Variants in CADPS2 observed in about 807,000 individuals in gnomAD.
CADPS2 encodes calcium dependent secretion activator 2.
A neutral mutation model predicts 172.5 loss-of-function variants in CADPS2; 93 were observed. The ratio of observed to expected loss-of-function variants is 0.54; its 90% confidence interval spans 0.46 to 0.64. The LOEUF (loss-of-function observed/expected upper bound fraction) is 0.64, where lower values mean the gene tolerates loss of function less well. CADPS2 is among the 30% of genes least tolerant of loss of function. The pLI is 0.00. For synonymous variants in CADPS2, 546 were observed against 555.2 expected, an observed-to-expected ratio of 0.98 and a Z score of 0.23; for missense variants, 1,420 against 1,565.9, an observed-to-expected ratio of 0.91 and a Z score of 1.57.
chr7:122,534,511 A>C (rs2131400118), intron 8 of CADPS2, among the ~76,000 whole-genome samples: 1 of 152,244 alleles, frequency 6.6e-6, no homozygotes, highest in South Asian at 2.1e-4. Context: ...TGAGATATTC[A>C]CCATGCCAAA....
chr7:122,403,824 T>C lies in CADPS2; in HGVS notation c.2746+3716A>G, dbSNP rs28433750. ...GAATGAATATTCCATTGTAGATGAA[T>C]GGAATATCATCAAAAAATATTAATT... On this transcript the variant is annotated intron_variant, in intron 20 of 29. Transcript: ENST00000449022. 5.1e-3 allele frequency among the ~76,000 whole-genome samples: 782 copies of C among 152,254 alleles called. 9 individuals are homozygous for C. The highest frequency in any genetic ancestry group is 0.018 in the African/African-American group (743 of 41,550).
intron 25 of CADPS2, among the ~76,000 whole-genome samples, chr7:122,372,901 G>A (rs969973275): frequency 1.3e-5 from 2 of 152,128 alleles, no homozygotes; most frequent in Admixed American, 6.6e-5. Flanking sequence ...TAATTAATTA[G>A]GTGTTTGATG....
chr7:122,719,757 A>G (rs191831372), intron 2 of CADPS2, among the ~76,000 whole-genome samples: 17 of 152,256 alleles, frequency 1.1e-4, no homozygotes, highest in African/African-American at 3.8e-4. Context: ...CTAAAATCTC[A>G]GCAGTATATA....
chr7:122,799,477 C>T (rs1201003742), intron 1 of CADPS2, among the ~76,000 whole-genome samples: 3 of 151,858 alleles, frequency 2.0e-5, no homozygotes, highest in Non-Finnish European at 4.4e-5. Context: ...GTGGTGGGCG[C>T]CTGTAGTCCC....
At chr7:122,564,987 A>G (rs1414702179) in intron 7 of CADPS2, among the ~76,000 whole-genome samples, 1 of 152,094 alleles carries the variant, frequency 6.6e-6, no homozygotes, top group Non-Finnish European at 1.5e-5. Context: ...AAAGTCAAAT[A>G]CAGCATGTTC....
intron 1 of CADPS2, among the ~76,000 whole-genome samples, chr7:122,775,291 C>T (rs939727056): frequency 2.0e-5 from 3 of 152,206 alleles, no homozygotes; most frequent in Non-Finnish European, 4.4e-5. Context: ...GACGCTGACA[C>T]AATTCATGAG....
chr7:122,832,768 C>T (rs1258749875), intron 1 of CADPS2, among the ~76,000 whole-genome samples: 1 of 152,120 alleles, frequency 6.6e-6, no homozygotes, highest in Non-Finnish European at 1.5e-5. Context: ...AATCACAGTA[C>T]AATATGGGAA....
chr7:122,812,289 T>A (rs1800190496), intron 1 of CADPS2, among the ~76,000 whole-genome samples: 1 of 151,994 alleles, frequency 6.6e-6, no homozygotes, highest in South Asian at 2.1e-4. Context: ...TATAATGTTG[T>A]AAAACTTTGA....
chr7:122,516,979 A>T (rs188813297), intron 8 of CADPS2, among the ~76,000 whole-genome samples: 74 of 152,232 alleles, frequency 4.9e-4, no homozygotes, highest in Admixed American at 1.2e-3. Context: ...ACAGTCATGT[A>T]ACCACCACCA....
At chr7:122,676,543 G>A in intron 2 of CADPS2, 1 of 586,110 alleles carries the variant, frequency 1.7e-6, no homozygotes, top group Non-Finnish European at 2.9e-6. Context: ...TCAAGCAGCA[G>A]TTGGAGAAGG....
rs554190603 is a variant in CADPS2 at position 122,814,223 on chromosome 7, C to T, written c.339+71776G>A. 6.0e-5 allele frequency among the ~76,000 whole-genome samples: 9 copies of T among 149,930 alleles called. No homozygotes were observed. In the South Asian group the frequency reaches 6.3e-4, roughly 10 times the overall value. ...CAAGCAGAGGTTTTGATGGTAATAA[C>T]GTGACTAGTAAAATCTTAACAGAAA... On this transcript the variant is annotated intron_variant, in intron 1 of 29. Coordinates refer to ENST00000449022, the MANE Select transcript of CADPS2 (RefSeq NM_017954.11).
chr7:122,581,329 A>G, intron 6 of CADPS2, 39 bp from the exon 7 acceptor site: 1 of 1,532,244 alleles, frequency 6.5e-7, no homozygotes, highest in Non-Finnish European at 9.0e-7. Context: ...AAAATGCAGC[A>G]TTATTTTTTT....
intron 28 of CADPS2, 114 bp downstream of exon 28, chr7:122,345,460 A>G: frequency 1.5e-6 from 1 of 646,958 alleles, no homozygotes; most frequent in South Asian, 2.0e-5. Context: ...TTAGTATAGA[A>G]GATACAGGAT....
chr7:122,748,831 A>G (rs551375184), intron 1 of CADPS2, among the ~76,000 whole-genome samples: 3 of 152,134 alleles, frequency 2.0e-5, no homozygotes, highest in Non-Finnish European at 4.4e-5. Flanking sequence ...CTTTTCACTG[A>G]AAGTAATAGA....
At chr7:122,354,488 A>G (rs1416922011) in intron 27 of CADPS2, 1 of 152,028 alleles carries the variant, frequency 6.6e-6, no homozygotes, top group Non-Finnish European at 1.5e-5. Flanking sequence ...ACTCCATATT[A>G]TTGTCAAACA....
chr7:122,598,421 T>C lies in CADPS2; in HGVS notation c.1223+16760A>G, dbSNP rs2072231295. On this transcript the variant is annotated intron_variant, in intron 6 of 29. Coordinates refer to ENST00000449022, the MANE Select transcript of CADPS2 (RefSeq NM_017954.11). ...ATATAAAGGAAATTTAAATAATACA[T>C]ACCATTTTTGTTGCTGCTAAAATAT... Among the ~76,000 whole-genome samples the C allele has an allele frequency of 2.0e-5, 3 of 152,102 alleles. No homozygotes were observed. In the South Asian group the frequency reaches 6.2e-4, roughly 31 times the overall value.
chr7:122,853,300 C>T (rs1368934312), intron 1 of CADPS2, among the ~76,000 whole-genome samples: 1 of 152,198 alleles, frequency 6.6e-6, no homozygotes, highest in East Asian at 1.9e-4. Context: ...TGGCCACATC[C>T]TCCATTATTC....
chr7:122,500,227 CTTGT>C (rs1362589680), intron 9 of CADPS2, among the ~76,000 whole-genome samples: 12 of 152,226 alleles, frequency 7.9e-5, no homozygotes, highest in South Asian at 2.1e-4. Context: ...CCATTCTAAC[CTTGT>C]TTGTCATTTT....
chr7:122,675,474 TA>T (rs2082290744), intron 2 of CADPS2, among the ~76,000 whole-genome samples: 1 of 152,260 alleles, frequency 6.6e-6, no homozygotes, highest in Non-Finnish European at 1.5e-5. Context: ...AGTTAAATGA[TA>T]ACGTGTACTA....
Sources: allele counts gnomAD v4.1 joint callset (sites outside exome capture counted in the v4.1 genomes callset), GRCh38; gene constraint gnomAD v4.1.1; transcripts MANE v1.5; gene names NCBI Gene and HGNC (gene_info 2026-07-23, HGNC 2026-07-21).